Variants in DPP6 observed in about 807,000 individuals in gnomAD.
DPP6 encodes dipeptidyl peptidase like 6.
A neutral mutation model predicts 122.6 loss-of-function variants in DPP6; 69 were observed. The ratio of observed to expected loss-of-function variants is 0.56; its 90% CI spans 0.46 to 0.69. The LOEUF is 0.69. DPP6 is among the 30% of genes least tolerant of loss of function. DPP6 has a pLI of 0.00. For synonymous variants in DPP6, 418 were observed against 433.1 expected, an observed-to-expected ratio of 0.97 and a Z score of 0.43; for missense variants, 928 against 1,116.9, an observed-to-expected ratio of 0.83 and a Z score of 2.41.
At chr7:154,305,541 AG>A in intron 1 of DPP6, 1 of 1,603,474 alleles carries the variant, frequency 6.2e-7, no homozygotes, top group Non-Finnish European at 8.5e-7. Context: ...TCCGTGCAGC[AG>A]CAGGAACAGG....
chr7:154,031,294 C>G (rs1414018358), intron 1 of DPP6, among the ~76,000 whole-genome samples: 2 of 148,870 alleles, frequency 1.3e-5, no homozygotes, highest in Non-Finnish European at 3.0e-5. Flanking sequence ...GAGGCCCTCC[C>G]TAACACCTTA....
chr7:154,889,457 A>C lies in DPP6; in HGVS notation c.2378A>C (p.Glu793Ala). 6.4e-7 allele frequency: 1 copy of C among 1,573,066 alleles called. No individual in the cohort carries two copies. The highest frequency in any genetic ancestry group is 1.4e-5 in the African/African-American group (1 of 71,454). The change falls in exon 25 of 26, where the codon GAA (glutamate) becomes GCA (alanine). Residue 793 changes from glutamate (E) to alanine (A), a missense_variant and splice_region_variant. Coordinates refer to ENST00000377770, the MANE Select transcript of DPP6 (RefSeq NM_130797.4). The part of the protein sequence containing the change: ...QFLIIHPTAD[E>A]KIHFQHTAEL... ...CTTTTTTTTTTTTTTTTTTGCACAG[A>C]AAAAATTCATTTCCAGCACACAGCA... is the stretch of plus-strand genomic sequence containing the variant.
chr7:154,391,323 C>T (rs1220824393), intron 1 of DPP6, among the ~76,000 whole-genome samples: 1 of 149,110 alleles, frequency 6.7e-6, no homozygotes, highest in Non-Finnish European at 1.5e-5. Context: ...TGCCCCTGTA[C>T]CTCCTCCATC....
At chr7:154,784,260 C>G (rs1797203101) in intron 10 of DPP6, among the ~76,000 whole-genome samples, 1 of 152,100 alleles carries the variant, frequency 6.6e-6, no homozygotes, top group South Asian at 2.1e-4. Context: ...AAGAGGCCCT[C>G]ATAAGGAGAG....
At chr7:154,590,606 C>G (rs1355866084) in intron 5 of DPP6, among the ~76,000 whole-genome samples, 1 of 117,170 alleles carries the variant, frequency 8.5e-6, no homozygotes, top group Admixed American at 8.9e-5. Context: ...TCAATCGTGG[C>G]TCACTGAAAC....
chr7:154,042,745 A>C (rs190828350), intron 1 of DPP6, among the ~76,000 whole-genome samples: 54 of 152,334 alleles, frequency 3.5e-4, no homozygotes, highest in African/African-American at 1.3e-3. Flanking sequence ...ATTGCATTAC[A>C]TTTAGTGATT....
chr7:154,874,183 A>C (rs1267038697), intron 19 of DPP6, among the ~76,000 whole-genome samples: 1 of 152,176 alleles, frequency 6.6e-6, no homozygotes, highest in East Asian at 1.9e-4. Context: ...CTCTTACTAA[A>C]CCAGATTTTC....
chr7:154,812,856 T>C (rs541632992), intron 16 of DPP6, among the ~76,000 whole-genome samples: 1 of 152,316 alleles, frequency 6.6e-6, no homozygotes, highest in African/African-American at 2.4e-5. Flanking sequence ...TCCAACATCA[T>C]TATAGAGTTC....
intron 1 of DPP6, among the ~76,000 whole-genome samples, 190 bp downstream of exon 1, chr7:154,053,253 T>G (rs1230721256): frequency 1.3e-5 from 2 of 149,320 alleles, no homozygotes; most frequent in Non-Finnish European, 1.5e-5. Context: ...AGGGAGCGGG[T>G]CTGTGTCTGC....
At chr7:153,869,672 T>C in the DPP6 span, among the ~76,000 whole-genome samples, 1 of 152,246 alleles carries the variant, frequency 6.6e-6, no homozygotes, top group Non-Finnish European at 1.5e-5. Flanking sequence ...TATTGTTATA[T>C]GTGAATTTGA....
chr7:153,976,949 G>A (rs1326744407), intron 1 of DPP6, among the ~76,000 whole-genome samples: 2 of 152,166 alleles, frequency 1.3e-5, no homozygotes, highest in Non-Finnish European at 2.9e-5. Context: ...CCTCAGGGTC[G>A]GGGTGAGCCG....
At chr7:154,315,043 A>G (rs1009862618) in intron 1 of DPP6, among the ~76,000 whole-genome samples, 3 of 152,222 alleles carry the variant, frequency 2.0e-5, no homozygotes, top group Admixed American at 1.3e-4. Flanking sequence ...GCAATCTGTC[A>G]TATTTGAGTA....
At chr7:153,750,204 T>C in the DPP6 span, among the ~76,000 whole-genome samples, 1 of 152,206 alleles carries the variant, frequency 6.6e-6, no homozygotes, top group African/African-American at 2.4e-5. Flanking sequence ...TTCAACTGAG[T>C]AAGTAATATC....
At chr7:153,753,109 A>G in the DPP6 span, among the ~76,000 whole-genome samples, 28 of 151,712 alleles carry the variant, frequency 1.8e-4, no homozygotes, top group Non-Finnish European at 3.5e-4. Context: ...GTAATTGTTT[A>G]TATTTCATAT....
chr7:154,616,546 A>G (rs1834270130), intron 5 of DPP6, among the ~76,000 whole-genome samples: 1 of 152,140 alleles, frequency 6.6e-6, no homozygotes, highest in Admixed American at 6.5e-5. Flanking sequence ...GCTATGGGAG[A>G]CCATAGGCAT....
At chr7:153,892,025 T>A (rs1799225008) in intron 1 of DPP6, among the ~76,000 whole-genome samples, 1 of 152,240 alleles carries the variant, frequency 6.6e-6, no homozygotes, top group Admixed American at 6.5e-5. Context: ...TTGTGCTCAC[T>A]GACACTGGTT....
chr7:153,849,563 TG>T, the DPP6 span, among the ~76,000 whole-genome samples: 131 of 152,330 alleles, frequency 8.6e-4, no homozygotes, highest in Non-Finnish European at 1.7e-3. Context: ...ATCTTTTTTT[TG>T]AAATGCCATA....
At chr7:154,814,760 G>A (rs1347369271) in intron 16 of DPP6, among the ~76,000 whole-genome samples, 4 of 152,280 alleles carry the variant, frequency 2.6e-5, no homozygotes, top group South Asian at 2.1e-4. Flanking sequence ...CGTTTCTCTC[G>A]AGCTTCTGGT....
At chr7:153,957,217 G>C (rs1802501984) in intron 1 of DPP6, among the ~76,000 whole-genome samples, 1 of 152,186 alleles carries the variant, frequency 6.6e-6, no homozygotes, top group African/African-American at 2.4e-5. Flanking sequence ...AGGGTACTGA[G>C]ATGTCAGAAA....
Sources: gnomAD v4.1 joint callset for allele counts (sites outside exome capture counted in the v4.1 genomes callset) on GRCh38, gnomAD v4.1.1 for gene constraint, MANE v1.5 for transcripts, NCBI Gene and HGNC (gene_info 2026-07-23, HGNC 2026-07-21) for gene names.